Variants in PDE7B observed in about 807,000 individuals in gnomAD.
PDE7B encodes 3',5'-cyclic-AMP phosphodiesterase 7B.
A neutral mutation model predicts 56.2 loss-of-function variants in PDE7B; 29 were observed. The ratio of observed to expected loss-of-function variants is 0.52; its 90% CI spans 0.38 to 0.70. The LOEUF (loss-of-function observed/expected upper bound fraction) is 0.70. Ranked by LOEUF, PDE7B falls within the 30% of genes least tolerant of loss-of-function variation. The pLI, the probability that PDE7B is intolerant of heterozygous loss-of-function variation, is 0.00. For synonymous variants in PDE7B, 197 were observed against 196.9 expected (o/e 1.00, Z 0.00); for missense variants, 490 against 565.0 (o/e 0.87, Z 1.35).
At chr6:136,043,203 C>A (rs549682844) in intron 2 of PDE7B, among the ~76,000 whole-genome samples, 1 of 152,248 alleles carries the variant, frequency 6.6e-6, no homozygotes, top group South Asian at 2.1e-4. Flanking sequence ...GGATAATAAT[C>A]ATTAATAATT....
At chr6:136,180,033 C>A (rs1394902280) in intron 10 of PDE7B, among the ~76,000 whole-genome samples, 1 of 152,190 alleles carries the variant, frequency 6.6e-6, no homozygotes, top group Non-Finnish European at 1.5e-5. Flanking sequence ...TCCTTCTTTT[C>A]TTTTGGTGCA....
chr6:135,892,922 A>G (rs1775834092), intron 1 of PDE7B, among the ~76,000 whole-genome samples: 1 of 152,176 alleles, frequency 6.6e-6, no homozygotes, highest in Non-Finnish European at 1.5e-5. Context: ...CTTATGCTCC[A>G]GAAAGTCTTC....
Position 136,110,258 on chromosome 6 carries a change from C to T in PDE7B, c.166+1444C>T, listed in dbSNP as rs550411772. On this transcript the variant is annotated intron_variant, in intron 3 of 12. Coordinates refer to ENST00000308191, the MANE Select transcript of PDE7B (RefSeq NM_018945.4). ...CCAATGCAATATGGGATACAGCCTG[C>T]GGGAGCTCTATTGGTCTCTCTGACC... 4.4e-4 allele frequency among the ~76,000 whole-genome samples: 67 copies of T among 152,266 alleles called. 1 individual carries two copies. The highest frequency in any genetic ancestry group is 6.8e-3 in the Middle Eastern group (2 of 294).
Position 135,982,647 on chromosome 6 carries a change from C to T in PDE7B, c.82+35123C>T, listed in dbSNP as rs79904085. Among the ~76,000 whole-genome samples the T allele has an allele frequency of 7.3e-3, 1,111 of 152,256 alleles. 48 individuals carry two copies. The East Asian group carries it at 0.099, about 14-fold the overall frequency. On this transcript the variant is annotated intron_variant, in intron 2 of 12. Coordinates refer to ENST00000308191, the MANE Select transcript of PDE7B (RefSeq NM_018945.4). ...AAATCTGATGAAGTCTGGGATGAAG[C>T]CCAAGATTCTACATTGTTAATAAGC...
At chr6:136,141,942 G>C (rs1778333998) in intron 3 of PDE7B, among the ~76,000 whole-genome samples, 1 of 114,602 alleles carries the variant, frequency 8.7e-6, no homozygotes. Flanking sequence ...AGGGTTTTTT[G>C]TATCTGTTTC....
At chr6:135,978,631 A>G (rs1009986867) in intron 2 of PDE7B, among the ~76,000 whole-genome samples, 2 of 152,118 alleles carry the variant, frequency 1.3e-5, no homozygotes, top group East Asian at 3.9e-4. Context: ...ACGACTGTAC[A>G]AAAAAATTCT....
intron 2 of PDE7B, among the ~76,000 whole-genome samples, chr6:136,006,072 G>A (rs1186951616): frequency 6.6e-6 from 1 of 151,402 alleles, no homozygotes; most frequent in African/African-American, 2.4e-5. Flanking sequence ...GGATGAAATT[G>A]GAAATCATCA....
At position 136,031,291 on chromosome 6, in the gene PDE7B, CAG is replaced by C. The variant is rs373195824; in HGVS notation, c.83-77437_83-77436del. Among the ~76,000 whole-genome samples, 981 of 152,298 alleles carry C rather than the reference CAG, an allele frequency of 6.4e-3. 14 individuals carry two copies. Among genetic ancestry groups the C allele is most frequent in the African/African-American group, 0.022 (913 of 41,554 alleles). Reference sequence around the variant, plus strand: ...ATCCCCAGGAAACCTGTTAAAAATGCAGAGTCTCAGGTCCCGGCCAGACTTCT... The same window carrying C: ...ATCCCCAGGAAACCTGTTAAAAATGCAGTCTCAGGTCCCGGCCAGACTTCT... On this transcript the variant is annotated intron_variant, in intron 2 of 12. Coordinates refer to ENST00000308191, the MANE Select transcript of PDE7B (RefSeq NM_018945.4).
intron 2 of PDE7B, among the ~76,000 whole-genome samples, chr6:135,950,952 C>A (rs1333032848): frequency 6.6e-6 from 1 of 152,140 alleles, no homozygotes; most frequent in Admixed American, 6.6e-5. Flanking sequence ...TTAAATGGAA[C>A]CAAACTACTG....
intron 1 of PDE7B, among the ~76,000 whole-genome samples, chr6:135,897,374 T>A (rs894739007): frequency 1.3e-5 from 2 of 152,112 alleles, no homozygotes; most frequent in Admixed American, 6.6e-5. Flanking sequence ...GTAGGGTCAA[T>A]GTCTTCTACT....
At chr6:135,990,745 C>T (rs1468947055) in intron 2 of PDE7B, among the ~76,000 whole-genome samples, 1 of 152,188 alleles carries the variant, frequency 6.6e-6, no homozygotes, top group East Asian at 1.9e-4. Context: ...GGTAATGTTA[C>T]CAGAAAGGGG....
intron 2 of PDE7B, among the ~76,000 whole-genome samples, chr6:136,019,138 A>T (rs1223873984): frequency 1.3e-5 from 2 of 152,160 alleles, no homozygotes; most frequent in South Asian, 4.1e-4. Context: ...CAAAGTACTT[A>T]TTAAAATTGA....
chr6:135,855,921 G>GAC (rs58600194), intron 1 of PDE7B, among the ~76,000 whole-genome samples: 31,533 of 152,034 alleles, frequency 0.21, 3,369 homozygotes, highest in East Asian at 0.34. Flanking sequence ...TGGGAGTGAA[G>GAC]ACACATTTCT....
intron 9 of PDE7B, among the ~76,000 whole-genome samples, chr6:136,177,375 G>C (rs1237737206): frequency 6.6e-6 from 1 of 152,042 alleles, no homozygotes; most frequent in Non-Finnish European, 1.5e-5. Context: ...ACAGCTAAAA[G>C]ACAAACCACA....
chr6:136,102,469 C>A (rs544196733), intron 2 of PDE7B, among the ~76,000 whole-genome samples: 1 of 152,160 alleles, frequency 6.6e-6, no homozygotes, highest in Non-Finnish European at 1.5e-5. Context: ...CCCAGAAATA[C>A]GTGAATGATG....
At chr6:136,048,060 ATGGATGGATGGG>A (rs959747952) in intron 2 of PDE7B, among the ~76,000 whole-genome samples, 9 of 150,000 alleles carry the variant, frequency 6.0e-5, no homozygotes, top group East Asian at 3.9e-4. Context: ...GTTGAGGTAG[ATGGATGGATGGG>A]TGGATGGATA....
chr6:136,011,135 T>C (rs1562468904), intron 2 of PDE7B, among the ~76,000 whole-genome samples: 1 of 152,188 alleles, frequency 6.6e-6, no homozygotes, highest in Non-Finnish European at 1.5e-5. Context: ...GGTTTTCACT[T>C]CTAACTCCCC....
chr6:136,192,105 C>G lies in PDE7B; in HGVS notation c.*265C>G, dbSNP rs919063332. The G allele has an allele frequency of 8.1e-6, 4 of 492,360 alleles. No homozygotes were observed. The highest frequency in any genetic ancestry group is 7.8e-5 in the African/African-American group (4 of 51,594). The allele number at this position is 492,360 out of a possible 1,614,324, so 30.5% of individuals were successfully genotyped here. On this transcript the variant is annotated 3_prime_UTR_variant, in exon 13 of 13. Transcript: ENST00000308191. ...ATCCCACGGGCAGGCTCTCCCTGCT[C>G]CAGGAGAAGACTAGGAGGAAGAATG...
chr6:136,109,727 T>C (rs914815402), intron 3 of PDE7B, among the ~76,000 whole-genome samples: 12 of 152,194 alleles, frequency 7.9e-5, no homozygotes, highest in Non-Finnish European at 1.5e-4. Context: ...TTAGGTTTCT[T>C]TGCAAACCCA....
Sources: allele counts gnomAD v4.1 joint callset (sites outside exome capture counted in the v4.1 genomes callset), GRCh38; gene constraint gnomAD v4.1.1; transcripts MANE v1.5; gene names NCBI Gene and HGNC (gene_info 2026-07-23, HGNC 2026-07-21).